ZCCHC7: variants seen among roughly 807,000 people sequenced by gnomAD.
ZCCHC7 encodes the protein zinc finger CCHC-type containing 7, also known as zinc finger CCHC domain-containing protein 7.
A neutral mutation model predicts 52.0 loss-of-function variants in ZCCHC7; 35 were observed. That is an observed-to-expected ratio of 0.67 (90% CI 0.51 to 0.89). The LOEUF is 0.89. Among genes scored for constraint, ZCCHC7 ranks in the 40% least tolerant of loss-of-function variants. The pLI, the probability that ZCCHC7 is intolerant of heterozygous loss-of-function variation, is 0.00. For missense variants in ZCCHC7, 574 were observed against 649.1 expected (o/e 0.88, Z 1.26); for synonymous variants, 217 against 221.5 (o/e 0.98, Z 0.18).
chr9:37,245,385 T>C (rs568798803), intron 2 of ZCCHC7, among the ~76,000 whole-genome samples: 13 of 152,102 alleles, frequency 8.5e-5, no homozygotes, highest in Admixed American at 2.0e-4. Context: ...ATTTAAACAG[T>C]TGAAATTGTG....
At chr9:37,261,083 A>G (rs1459759440) in intron 2 of ZCCHC7, among the ~76,000 whole-genome samples, 1 of 152,198 alleles carries the variant, frequency 6.6e-6, no homozygotes, top group African/African-American at 2.4e-5. Context: ...ATCAATGCCG[A>G]TAACCAGAGT....
rs1588684315 is a variant in ZCCHC7 at position 37,333,220 on chromosome 9, A to G, written c.987+5386A>G. Among the ~76,000 whole-genome samples the G allele has an allele frequency of 4.6e-5, 7 of 151,802 alleles. No homozygotes were observed. The South Asian group carries it at 1.5e-3, about 31-fold the overall frequency. On this transcript the variant is annotated intron_variant, in intron 6 of 8. Coordinates refer to ENST00000336755, the MANE Select transcript of ZCCHC7 (RefSeq NM_032226.3). ...AAGCAATGAGAAGTATGCAGCCTTC[A>G]CTCAATTTAGGAAAGATTTATCATA...
At position 37,222,237 on chromosome 9, in the gene ZCCHC7, C is replaced by T. The variant is rs528118057; in HGVS notation, c.611-79951C>T. On this transcript the variant is annotated intron_variant, in intron 2 of 8. Transcript: ENST00000336755. ...AATTAAAAAAAAAAACAAATGGTGA[C>T]GTGTCCTGCCAGATATTAAATTTGA... Among the ~76,000 whole-genome samples the T allele has an allele frequency of 4.7e-5, 7 of 149,940 alleles. 1 individual carries two copies. The highest frequency in any genetic ancestry group is 4.2e-4 in the South Asian group (2 of 4,746).
At chr9:37,192,073 G>A (rs923680535) in intron 2 of ZCCHC7, among the ~76,000 whole-genome samples, 4 of 152,134 alleles carry the variant, frequency 2.6e-5, no homozygotes, top group African/African-American at 7.2e-5. Flanking sequence ...TTAAACAGGT[G>A]GAAAAAGAGC....
At chr9:37,149,057 G>A (rs1843567223) in intron 2 of ZCCHC7, among the ~76,000 whole-genome samples, 1 of 152,086 alleles carries the variant, frequency 6.6e-6, no homozygotes, top group South Asian at 2.1e-4. Context: ...AGTGGTTTGT[G>A]TTACAACCTA....
intron 2 of ZCCHC7, among the ~76,000 whole-genome samples, chr9:37,172,412 C>T (rs1212257666): frequency 6.6e-6 from 1 of 152,148 alleles, no homozygotes; most frequent in East Asian, 1.9e-4. Context: ...CACTTTCCCC[C>T]CATTGTCTTA....
At chr9:37,260,404 A>G (rs779921995) in intron 2 of ZCCHC7, among the ~76,000 whole-genome samples, 1 of 152,202 alleles carries the variant, frequency 6.6e-6, no homozygotes, top group Non-Finnish European at 1.5e-5. Context: ...GACACTTGAC[A>G]TATTTCCTCT....
intron 7 of ZCCHC7, among the ~76,000 whole-genome samples, chr9:37,352,873 G>A (rs1821476879): frequency 6.6e-6 from 1 of 151,464 alleles, no homozygotes; most frequent in South Asian, 2.1e-4. Flanking sequence ...TAACCTCTAG[G>A]ACCCTCCCCC....
chr9:37,206,979 C>T (rs1346839006), intron 2 of ZCCHC7, among the ~76,000 whole-genome samples: 4 of 151,356 alleles, frequency 2.6e-5, no homozygotes, highest in Admixed American at 2.0e-4. Flanking sequence ...AAAAAAAAAT[C>T]GTTGGTCATG....
intron 2 of ZCCHC7, among the ~76,000 whole-genome samples, chr9:37,131,748 C>A (rs1453119280): frequency 6.6e-6 from 1 of 151,944 alleles, no homozygotes; most frequent in South Asian, 2.1e-4. Context: ...TTCTATTCTT[C>A]TTCTAAATGT....
At chr9:37,229,340 TACTG>T (rs1197269009) in intron 2 of ZCCHC7, among the ~76,000 whole-genome samples, 1 of 152,214 alleles carries the variant, frequency 6.6e-6, no homozygotes, top group African/African-American at 2.4e-5. Context: ...ATATGTCACT[TACTG>T]ACAGGGATAC....
chr9:37,120,445 T>C (rs1279466552), upstream of ZCCHC7: 7 of 396,718 alleles, frequency 1.8e-5, no homozygotes, highest in African/African-American at 6.2e-5. Flanking sequence ...CATGCGCACA[T>C]CAGGCGCGGC....
chr9:37,354,745 A>T lies in ZCCHC7; in HGVS notation c.1119A>T (p.Pro373=). Reference sequence around the variant, plus strand: ...AAAGAGAAGTGTATGACCCGTCTCCAGTATCTCCATTCATCTGCTACTATG... The same window carrying T: ...AAAGAGAAGTGTATGACCCGTCTCCTGTATCTCCATTCATCTGCTACTATG... ...CPEREVYDPS[P]VSPFICYYDD... is the part of the protein sequence containing the mutation. The change falls in exon 8 of 9, where the codon CCA becomes CCT. Residue 373 remains proline (P), a synonymous_variant. Coordinates refer to ENST00000336755, the MANE Select transcript of ZCCHC7 (RefSeq NM_032226.3). This position sits in a 1 kb window ranked among gnomAD's most constrained non-coding sequence, Gnocchi z 4.0. The T allele has an allele frequency of 6.2e-7, 1 of 1,613,402 alleles. No homozygotes were observed. The highest frequency in any genetic ancestry group is 1.7e-4 in the Middle Eastern group (1 of 6,042).
At chr9:37,165,200 C>G (rs1821352753) in intron 2 of ZCCHC7, among the ~76,000 whole-genome samples, 1 of 152,086 alleles carries the variant, frequency 6.6e-6, no homozygotes. Flanking sequence ...AAATCACTTA[C>G]TAGTTCTAGA....
chr9:37,155,589 T>A (rs1820774277), intron 2 of ZCCHC7, among the ~76,000 whole-genome samples: 1 of 152,238 alleles, frequency 6.6e-6, no homozygotes, highest in Non-Finnish European at 1.5e-5. Flanking sequence ...TATCTCATGC[T>A]GTTGACTAAG....
At chr9:37,261,464 C>A (rs1201940637) in intron 2 of ZCCHC7, among the ~76,000 whole-genome samples, 1 of 152,174 alleles carries the variant, frequency 6.6e-6, no homozygotes, top group African/African-American at 2.4e-5. Flanking sequence ...ATCCTCTTAA[C>A]CTTGGCCAAA....
intron 2 of ZCCHC7, among the ~76,000 whole-genome samples, chr9:37,203,435 C>T (rs867767967): frequency 9.2e-5 from 14 of 152,226 alleles, no homozygotes; most frequent in African/African-American, 3.1e-4. Flanking sequence ...GCCCCACATG[C>T]ATTAGCTGTT....
intron 6 of ZCCHC7, among the ~76,000 whole-genome samples, chr9:37,343,165 C>T (rs76393791): frequency 0.045 from 6,865 of 152,278 alleles, 505 homozygotes; most frequent in African/African-American, 0.15. Flanking sequence ...AGACAGACTT[C>T]TCACCACACC....
intron 2 of ZCCHC7, among the ~76,000 whole-genome samples, chr9:37,139,338 A>T (rs575319090): frequency 1.4e-4 from 22 of 152,136 alleles, no homozygotes; most frequent in African/African-American, 5.3e-4. Flanking sequence ...TCCACCATGT[A>T]TTATGTCACA....
Sources: allele counts gnomAD v4.1 joint callset (sites outside exome capture counted in the v4.1 genomes callset), GRCh38; gene constraint gnomAD v4.1.1; non-coding constraint Gnocchi (gnomAD v3.1); transcripts MANE v1.5; gene names NCBI Gene and HGNC (gene_info 2026-07-23, HGNC 2026-07-21).